NCAPD3: variants seen among roughly 807,000 people sequenced by gnomAD.
The protein encoded by NCAPD3 is condensin-2 complex subunit D3.
A neutral mutation model predicts 182.9 loss-of-function variants in NCAPD3; 105 were observed. That is an observed-to-expected ratio of 0.57 (90% confidence interval 0.49 to 0.68). The LOEUF is 0.68. NCAPD3 is among the 30% of genes least tolerant of loss of function. The pLI, the probability that NCAPD3 is intolerant of heterozygous loss-of-function variation, is 0.00. For synonymous variants in NCAPD3, 815 were observed against 679.9 expected (o/e 1.20, Z -3.09); for missense variants, 1,944 against 1,837.0 (o/e 1.06, Z -1.07).
chr11:134,165,826 G>C (rs1257954325), intron 27 of NCAPD3, among the ~76,000 whole-genome samples: 41 of 145,252 alleles, frequency 2.8e-4, no homozygotes, highest in Admixed American at 8.2e-4. Flanking sequence ...AGATGAGCTT[G>C]GGGGAGGCGC....
rs771275079 is a variant in NCAPD3, at chr11:134,153,003, CTT to C, written c.4436_4437del (p.Lys1479ArgfsTer81). 2 of 1,591,736 alleles carry C rather than the reference CTT, an allele frequency of 1.3e-6. No individual in the cohort carries two copies. Among genetic ancestry groups the C allele is most frequent in the East Asian group, 2.2e-5 (1 of 44,524 alleles). On this transcript the variant is annotated frameshift_variant, in exon 35 of 35. Transcript: ENST00000534548. LOFTEE classifies it high-confidence loss of function. Reference protein sequence around the residue: ...QWNVRSPARNKDTPACSRRSL... With the variant: ...QWNVRSPARNXDTPACSRRSL... ...GACCTCCTGCTGCAGGCTGGAGTGT[CTT>C]TATTCCTGGCGGGAGACCGCACATT...
At chr11:134,158,714 T>C (rs566533564) in intron 29 of NCAPD3, among the ~76,000 whole-genome samples, 3 of 152,158 alleles carry the variant, frequency 2.0e-5, no homozygotes, top group Non-Finnish European at 4.4e-5. Flanking sequence ...CTTTGAAATA[T>C]ACAGTAAATT....
chr11:134,168,225 G>C (rs1440081483), intron 26 of NCAPD3, 30 bp from the exon 27 acceptor site: 3 of 1,597,536 alleles, frequency 1.9e-6, no homozygotes, highest in South Asian at 1.1e-5. Flanking sequence ...AAAAACGTGA[G>C]CTTCTGAGAA....
chr11:134,155,139 T>C (rs12789117), intron 32 of NCAPD3, among the ~76,000 whole-genome samples: 11,892 of 152,230 alleles, frequency 0.078, 603 homozygotes, highest in Admixed American at 0.11. Context: ...AGGGACTTGC[T>C]AAAACCCCCA....
chr11:134,215,940 G>A (rs1397829378), intron 3 of NCAPD3, among the ~76,000 whole-genome samples: 1 of 152,194 alleles, frequency 6.6e-6, no homozygotes. Context: ...GTAACTGGCA[G>A]GAATACGGCT....
intron 3 of NCAPD3, among the ~76,000 whole-genome samples, chr11:134,215,324 G>A (rs760209568): frequency 1.3e-4 from 19 of 151,994 alleles, no homozygotes; most frequent in Non-Finnish European, 2.5e-4. Flanking sequence ...TTCTAGCCAG[G>A]GCAAATAGGT....
chr11:134,224,046 C>CGGTG, upstream of NCAPD3: 1 of 1,221,362 alleles, frequency 8.2e-7, no homozygotes, highest in South Asian at 1.4e-5. Flanking sequence ...GGCCAACCAC[C>CGGTG]GCGCCGAGCC....
At chr11:134,164,705 G>A (rs548869521) in intron 27 of NCAPD3, among the ~76,000 whole-genome samples, 1 of 150,098 alleles carries the variant, frequency 6.7e-6, no homozygotes, top group Non-Finnish European at 1.5e-5. Context: ...AAGCTTAGGG[G>A]AGCTGTACAC....
At position 134,204,842 on chromosome 11, in the gene NCAPD3, T is replaced by A; in HGVS notation, c.1089+57A>T. ...CCACACTCACACACACACACACACA[T>A]TTATCTTCACACACGATATACTTCC... is the stretch of plus-strand genomic sequence containing the variant. On this transcript the variant is annotated intron_variant, in intron 9 of 34. Transcript: ENST00000534548. This position sits in a 1 kb window ranked among gnomAD's most constrained non-coding sequence, Gnocchi z 4.3. 7.2e-7 allele frequency: 1 copy of A among 1,391,010 alleles called. No individual in the cohort carries two copies. Among genetic ancestry groups the A allele is most frequent in the Non-Finnish European group, 1.0e-6 (1 of 983,798 alleles). 86.2% of individuals were successfully genotyped at this position (1,391,010 alleles called of 1,614,324 possible).
At position 134,194,017 on chromosome 11, in the gene NCAPD3, A is replaced by G. The variant is rs1944576747; in HGVS notation, c.1823T>C (p.Met608Thr). 1.2e-6 allele frequency: 2 copies of G among 1,613,388 alleles called. No individual in the cohort carries two copies. The highest frequency in any genetic ancestry group is 1.1e-5 in the South Asian group (1 of 91,048). Residue 608 changes from methionine (M) to threonine (T), a missense_variant and splice_region_variant, in exon 15 of 35, where the codon ATG becomes ACG. Around this residue, in one of 3 missense-constraint regions of NCAPD3, gnomAD observed 1,803 missense variants for 1,674.6 expected, o/e 1.08. Transcript: ENST00000534548. Reference sequence around the variant, plus strand: ...CATATATAATGTCCTGCCTCTCACCATAAGGAGTTCAGTAAGAGACTGGAG... The same window carrying G: ...CATATATAATGTCCTGCCTCTCACCGTAAGGAGTTCAGTAAGAGACTGGAG... Reference protein sequence around the residue: ...QALQSLTELLMAQPRCVQIQK... With the variant: ...QALQSLTELLTAQPRCVQIQK...
chr11:134,154,477 A>ACCCCCCCCCCCCCC (rs376790927), intron 32 of NCAPD3, among the ~76,000 whole-genome samples: 5 of 75,608 alleles, frequency 6.6e-5, no homozygotes, highest in African/African-American at 1.8e-4. Flanking sequence ...GCTTCTCTGC[A>ACCCCCCCCCCCCCC]CCCCCCCCCC....
chr11:134,153,563 C>G lies in NCAPD3; in HGVS notation c.4253-200G>C, dbSNP rs912759378. The stretch of plus-strand genomic sequence containing the variant: ...TGCTCCTTTCCGTCTCTCTGACCCC[C>G]TTCTCTGACCCGCAGCCCTCAGGCA... On this transcript the variant is annotated intron_variant, in intron 32 of 34. Coordinates refer to ENST00000534548, the MANE Select transcript of NCAPD3 (RefSeq NM_015261.3). 2.0e-5 allele frequency: 12 copies of G among 610,652 alleles called. No homozygotes were observed. In the East Asian group the frequency reaches 2.8e-4, roughly 14 times the overall value. The allele number at this position is 610,652 out of a possible 1,614,324, so 37.8% of individuals were successfully genotyped here.
intron 32 of NCAPD3, chr11:134,153,657 C>T: frequency 6.3e-6 from 3 of 473,828 alleles, no homozygotes; most frequent in Non-Finnish European, 1.2e-5. Context: ...ATCATTGCCC[C>T]TGTCCCGGTG....
At position 134,209,247 on chromosome 11, in the gene NCAPD3, T is replaced by C. The variant is rs530564799; in HGVS notation, c.733-41A>G. The C allele has an allele frequency of 1.6e-5, 26 of 1,607,440 alleles. No individual in the cohort carries two copies. In the East Asian group the frequency reaches 5.4e-4, roughly 33 times the overall value. On this transcript the variant is annotated intron_variant, in intron 5 of 34. Coordinates refer to ENST00000534548, the MANE Select transcript of NCAPD3 (RefSeq NM_015261.3). ...GAAGAAAAGGCCTGATTTTTTCTAC[T>C]GATCAGGTATTAGCCATAGTCTAAT...
At chr11:134,211,416 G>A (rs1310955422) in intron 3 of NCAPD3, among the ~76,000 whole-genome samples, 1 of 152,198 alleles carries the variant, frequency 6.6e-6, no homozygotes, top group Non-Finnish European at 1.5e-5. Flanking sequence ...GGGAGGCTGA[G>A]GTGGGCAGAT....
rs1210503457 is a variant in NCAPD3 at position 134,157,929 on chromosome 11, C to T, written c.4173G>A (p.Gln1391=). ...NSGSPEKTCS[Q]VSSYSLEQES... ...TCTGGCACCAAACATAAGGCTTACCCTGACTGCACGTTTTTTCTGGGCTTC... is the reference window on the plus strand; with the variant it reads ...TCTGGCACCAAACATAAGGCTTACCTTGACTGCACGTTTTTTCTGGGCTTC... Residue 1391 remains glutamine, a splice_region_variant and synonymous_variant, in exon 31 of 35, where the codon CAG becomes CAA. Transcript: ENST00000534548. 1 of 1,613,224 alleles carries T rather than the reference C, an allele frequency of 6.2e-7. No homozygotes were observed. Among genetic ancestry groups the T allele is most frequent in the East Asian group, 2.2e-5 (1 of 44,902 alleles).
In NCAPD3 at chr11:134,181,079, A is replaced by G. The variant is rs376383218; in HGVS notation, c.2557T>C (p.Leu853=). 3.3e-4 allele frequency: 524 copies of G among 1,610,824 alleles called. 2 individuals are homozygous for G. Among genetic ancestry groups the G allele is most frequent in the Non-Finnish European group, 4.1e-4 (488 of 1,177,108 alleles). The change falls in exon 20 of 35, where the codon TTG becomes CTG. Residue 853 remains leucine (L), a splice_region_variant and synonymous_variant. Coordinates refer to ENST00000534548, the MANE Select transcript of NCAPD3 (RefSeq NM_015261.3). The part of the protein sequence containing the change: ...NGTGNMDEDL[L]VKYIFTLGDI... ...GGTTAGGAAAAGCAGTCGCTTACCA[A>G]CAGGTCTTCGTCCATATTCCCTGTT...
intron 8 of NCAPD3, among the ~76,000 whole-genome samples, chr11:134,205,849 G>GT: frequency 6.6e-6 from 1 of 152,182 alleles, no homozygotes; most frequent in Non-Finnish European, 1.5e-5. Context: ...AAAGTCCTTA[G>GT]TGAGAGACAT....
In NCAPD3 at chr11:134,157,040, C is replaced by T; in HGVS notation, c.4230G>A (p.Lys1410=). The T allele has an allele frequency of 6.2e-7, 1 of 1,613,144 alleles. No individual in the cohort carries two copies. Among genetic ancestry groups the T allele is most frequent in the Non-Finnish European group, 8.5e-7 (1 of 1,179,542 alleles). ...ESNGEIEHVT[K]RAISTPEKSI... is the part of the protein sequence containing the mutation. ...CACTCTCGGGGGTGCTGATGGCCCG[C>T]TTGGTCACGTGCTCAATCTCGCCAT... The change falls in exon 32 of 35, where the codon AAG becomes AAA. Residue 1410 remains lysine, a synonymous_variant. Coordinates refer to ENST00000534548, the MANE Select transcript of NCAPD3 (RefSeq NM_015261.3).
Sources: gnomAD v4.1 joint callset for allele counts (sites outside exome capture counted in the v4.1 genomes callset) on GRCh38, gnomAD v4.1.1 for gene constraint, gnomAD v4.1.1 regional missense constraint, Gnocchi (gnomAD v3.1) non-coding constraint, MANE v1.5 for transcripts, NCBI Gene and HGNC (gene_info 2026-07-23, HGNC 2026-07-21) for gene names.